The following BMPR2 variants were observed in gnomAD, a reference collection of about 807,000 sequenced individuals.
The protein encoded by BMPR2 is bone morphogenetic protein receptor type-2.
BMPR2 carries 29 observed loss-of-function variants against 100.8 expected under a neutral mutation model. The ratio of observed to expected loss-of-function variants is 0.29; its 90% CI spans 0.21 to 0.39. The LOEUF (loss-of-function observed/expected upper bound fraction) is 0.39. Ranked by LOEUF, BMPR2 falls within the 10% of genes least tolerant of loss-of-function variation. The pLI is 1.00. For synonymous variants in BMPR2, 382 were observed against 442.3 expected (o/e 0.86, Z 1.71); for missense variants, 1,011 against 1,274.5 (o/e 0.79, Z 3.15).
intron 3 of BMPR2, among the ~76,000 whole-genome samples, chr2:202,496,696 C>T (rs1159512649): frequency 6.6e-6 from 1 of 152,230 alleles, no homozygotes; most frequent in African/African-American, 2.4e-5. Context: ...TGCCTTTTGA[C>T]CCTATGGGGA....
chr2:202,413,357 G>C (rs1345100037), intron 1 of BMPR2, among the ~76,000 whole-genome samples: 16 of 152,152 alleles, frequency 1.1e-4, no homozygotes, highest in Admixed American at 1.0e-3. Context: ...AGTTATACAG[G>C]CATGAATTAT....
chr2:202,404,142 A>G (rs775040808), intron 1 of BMPR2, among the ~76,000 whole-genome samples: 9 of 151,902 alleles, frequency 5.9e-5, no homozygotes, highest in Non-Finnish European at 5.9e-5. Flanking sequence ...AAGCCCTAAT[A>G]AAATGACTTA....
At chr2:202,398,108 C>CAA (rs56075719) in intron 1 of BMPR2, among the ~76,000 whole-genome samples, 4 of 120,366 alleles carry the variant, frequency 3.3e-5, no homozygotes, top group African/African-American at 9.3e-5. Flanking sequence ...GACCCTGTCT[C>CAA]AAAAAAAAAA....
intron 9 of BMPR2, among the ~76,000 whole-genome samples, chr2:202,533,396 A>T (rs1166137229): frequency 6.6e-6 from 1 of 151,914 alleles, no homozygotes; most frequent in Middle Eastern, 3.2e-3. Flanking sequence ...TACTAATAAT[A>T]TGCACCTGTA....
At chr2:202,390,855 T>C (rs969107919) in intron 1 of BMPR2, among the ~76,000 whole-genome samples, 3 of 152,078 alleles carry the variant, frequency 2.0e-5, no homozygotes, top group Admixed American at 6.6e-5. Context: ...GATATAAATA[T>C]ATGATATAAA....
At chr2:202,437,490 C>T (rs751053135) in intron 1 of BMPR2, among the ~76,000 whole-genome samples, 7 of 150,388 alleles carry the variant, frequency 4.7e-5, no homozygotes, top group Non-Finnish European at 8.8e-5. Flanking sequence ...ATATAATTCA[C>T]CCATTAAAAT....
At chr2:202,405,895 C>T (rs191975000) in intron 1 of BMPR2, among the ~76,000 whole-genome samples, 12 of 152,102 alleles carry the variant, frequency 7.9e-5, no homozygotes, top group Admixed American at 1.3e-4. Context: ...TGTGTAGTGT[C>T]CATTTAAAAT....
Position 202,440,415 on chromosome 2 carries a change from C to T in BMPR2, c.77-24394C>T, listed in dbSNP as rs549255522. The stretch of plus-strand genomic sequence containing the variant: ...CCCCACATCTCAGACGATGGGCAGC[C>T]GGGCAGAGACGCTCCTCACTTCCTA... On this transcript the variant is annotated intron_variant, in intron 1 of 12. Transcript: ENST00000374580. Among the ~76,000 whole-genome samples the T allele has an allele frequency of 2.4e-3, 352 of 148,978 alleles. 24 individuals are homozygous for T. The highest frequency in any genetic ancestry group is 8.5e-3 in the African/African-American group (330 of 38,912).
intron 3 of BMPR2, among the ~76,000 whole-genome samples, chr2:202,479,629 T>C (rs1248479741): frequency 6.6e-6 from 1 of 152,084 alleles, no homozygotes; most frequent in African/African-American, 2.4e-5. Context: ...CATTAAAACC[T>C]CCAAACACAT....
At chr2:202,412,650 T>C (rs192875463) in intron 1 of BMPR2, among the ~76,000 whole-genome samples, 2 of 152,326 alleles carry the variant, frequency 1.3e-5, no homozygotes, top group Admixed American at 1.3e-4. Context: ...ATATAATTTA[T>C]ATTTGGCACC....
chr2:202,505,605 C>T (rs1226445684), intron 3 of BMPR2, among the ~76,000 whole-genome samples: 1 of 152,048 alleles, frequency 6.6e-6, no homozygotes, highest in Non-Finnish European at 1.5e-5. Context: ...TTTTATGAGC[C>T]ATGGTATAGA....
intron 7 of BMPR2, among the ~76,000 whole-genome samples, chr2:202,524,686 T>C (rs1687876166): frequency 6.6e-6 from 1 of 151,898 alleles, no homozygotes; most frequent in Non-Finnish European, 1.5e-5. Context: ...GAGGTTACAG[T>C]GAGCCAAGAT....
intron 1 of BMPR2, among the ~76,000 whole-genome samples, chr2:202,390,333 G>GTT (rs374406877): frequency 3.0e-5 from 4 of 132,540 alleles, no homozygotes; most frequent in Non-Finnish European, 4.9e-5. Context: ...TTTCTTTCGT[G>GTT]TTTTTTTTTT....
intron 1 of BMPR2, among the ~76,000 whole-genome samples, chr2:202,416,633 C>T (rs1309544465): frequency 1.3e-5 from 2 of 151,000 alleles, no homozygotes; most frequent in African/African-American, 4.9e-5. Flanking sequence ...ACCGTGTTGG[C>T]CGAGATGGTC....
chr2:202,487,170 A>G (rs1396172631), intron 3 of BMPR2, among the ~76,000 whole-genome samples: 1 of 152,202 alleles, frequency 6.6e-6, no homozygotes, highest in African/African-American at 2.4e-5. Context: ...CACCTGGCAT[A>G]TGTAAGCCTA....
chr2:202,401,908 T>C (rs1690774930), intron 1 of BMPR2, among the ~76,000 whole-genome samples: 2 of 152,370 alleles, frequency 1.3e-5, no homozygotes, highest in South Asian at 4.1e-4. Context: ...GAAATCACAG[T>C]GATTGCTTAA....
intron 1 of BMPR2, among the ~76,000 whole-genome samples, chr2:202,461,596 TCAAGC>T (rs1692226473): frequency 6.6e-6 from 1 of 152,166 alleles, no homozygotes; most frequent in South Asian, 2.1e-4. Context: ...GGAACTAAAA[TCAAGC>T]TTCACCTCCA....
chr2:202,544,391 C>T (rs1056189062), intron 10 of BMPR2, among the ~76,000 whole-genome samples: 7 of 152,040 alleles, frequency 4.6e-5, no homozygotes, highest in Non-Finnish European at 5.9e-5. Flanking sequence ...CCCTCACACT[C>T]GAGTAATAAT....
Position 202,520,076 on chromosome 2 carries a change from C to A in BMPR2, c.853-11C>A. 7 of 1,371,384 alleles carry A rather than the reference C, an allele frequency of 5.1e-6. No individual in the cohort carries two copies. Among genetic ancestry groups the A allele is most frequent in the Non-Finnish European group, 6.9e-6 (7 of 1,017,618 alleles). 85.0% of individuals were successfully genotyped at this position (1,371,384 alleles called of 1,614,324 possible). ...ACCTTTTTTTTTTTTCGCATTTTTTCCTCTATATAGGGATCTTTATGCAAG... is the reference window on the plus strand; with the variant it reads ...ACCTTTTTTTTTTTTCGCATTTTTTACTCTATATAGGGATCTTTATGCAAG... On this transcript the variant is annotated splice_polypyrimidine_tract_variant and intron_variant, in intron 6 of 12. Transcript: ENST00000374580.
Sources: allele counts gnomAD v4.1 joint callset (sites outside exome capture counted in the v4.1 genomes callset), GRCh38; gene constraint gnomAD v4.1.1; transcripts MANE v1.5; gene names NCBI Gene and HGNC (gene_info 2026-07-23, HGNC 2026-07-21).